Variants in CHRM2 observed in about 807,000 individuals in gnomAD.
CHRM2 encodes the protein cholinergic receptor muscarinic 2, also known as muscarinic acetylcholine receptor M2.
In CHRM2, 8 loss-of-function variants were observed where a neutral mutation model predicts 25.0. The ratio of observed to expected loss-of-function variants is 0.32; its 90% CI spans 0.19 to 0.58. The LOEUF (loss-of-function observed/expected upper bound fraction) is 0.58, where lower values mean the gene tolerates loss of function less well. CHRM2 is among the 20% of genes least tolerant of loss of function. The probability of loss-of-function intolerance (pLI) is 0.88; values close to 1 mark genes in which losing one functional copy is unlikely to be tolerated. For synonymous variants in CHRM2, 202 were observed against 205.7 expected (o/e 0.98, Z 0.15); for missense variants, 440 against 567.1 (o/e 0.78, Z 2.28).
chr7:136,894,865 T>A (rs1376852182), intron 2 of CHRM2, among the ~76,000 whole-genome samples: 2 of 152,222 alleles, frequency 1.3e-5, no homozygotes, highest in Non-Finnish European at 2.9e-5. Context: ...CTGATTGCCA[T>A]TGTTGTCAGG....
intron 2 of CHRM2, among the ~76,000 whole-genome samples, chr7:136,924,175 A>G (rs1184504693): frequency 1.3e-5 from 2 of 152,164 alleles, no homozygotes; most frequent in Non-Finnish European, 2.9e-5. Flanking sequence ...CAAATGTGGT[A>G]TGTACACACA....
chr7:136,892,605 A>T (rs944321875), intron 2 of CHRM2, among the ~76,000 whole-genome samples: 3 of 152,192 alleles, frequency 2.0e-5, no homozygotes, highest in Admixed American at 1.3e-4. Context: ...AAGGTTACAC[A>T]TATTGAAAGA....
At position 136,909,984 on chromosome 7, in the gene CHRM2, A is replaced by AC. The variant is rs548787841; in HGVS notation, c.-125+40574dup. Among the ~76,000 whole-genome samples, 343 of 150,432 alleles carry AC rather than the reference A, an allele frequency of 2.3e-3. 1 individual carries two copies. Among genetic ancestry groups the AC allele is most frequent in the Non-Finnish European group, 3.5e-3 (236 of 67,492 alleles). Reference sequence around the variant, plus strand: ...ATGATAAAACTGTACATACACATACACCCCCCCCAACACACACACACACCA... The same window carrying AC: ...ATGATAAAACTGTACATACACATACACCCCCCCCCAACACACACACACACCA... On this transcript the variant is annotated intron_variant, in intron 2 of 3. Transcript: ENST00000680005.
At chr7:136,975,482 A>G in intron 2 of CHRM2, among the ~76,000 whole-genome samples, 1 of 152,242 alleles carries the variant, frequency 6.6e-6, no homozygotes, top group South Asian at 2.1e-4. Flanking sequence ...AATTATTTTC[A>G]CAGAAAATGG....
intron 2 of CHRM2, among the ~76,000 whole-genome samples, chr7:136,919,403 ATAT>A (rs1798299351): frequency 6.6e-6 from 1 of 152,142 alleles, no homozygotes; most frequent in Non-Finnish European, 1.5e-5. Context: ...ATTAAAATAA[ATAT>A]TAGAATATTA....
At chr7:136,879,083 T>C (rs547686651) in intron 2 of CHRM2, among the ~76,000 whole-genome samples, 327 of 151,996 alleles carry the variant, frequency 2.2e-3, no homozygotes, top group African/African-American at 6.8e-3. Flanking sequence ...TTAGCATAAT[T>C]TGAATTTAAA....
intron 2 of CHRM2, chr7:136,938,656 C>A: frequency 1.2e-6 from 1 of 814,548 alleles, no homozygotes; most frequent in Non-Finnish European, 2.1e-6. Flanking sequence ...AGGGCCCACT[C>A]GTGCAGGAGC....
At chr7:136,958,587 AC>A (rs1800870569) in intron 2 of CHRM2, among the ~76,000 whole-genome samples, 1 of 151,302 alleles carries the variant, frequency 6.6e-6, no homozygotes, top group East Asian at 1.9e-4. Flanking sequence ...CCCCTGAGAA[AC>A]TGGGAATACA....
At chr7:136,901,270 GA>G (rs1431728022) in intron 2 of CHRM2, among the ~76,000 whole-genome samples, 4 of 151,996 alleles carry the variant, frequency 2.6e-5, no homozygotes, top group Non-Finnish European at 5.9e-5. Flanking sequence ...TGGAAAAATA[GA>G]AAGGTATAGT....
intron 2 of CHRM2, among the ~76,000 whole-genome samples, chr7:136,921,653 G>C (rs1770841367): frequency 6.6e-6 from 1 of 151,956 alleles, no homozygotes; most frequent in African/African-American, 2.4e-5. Flanking sequence ...TTTCCCCACT[G>C]CCTTCTTGTC....
intron 2 of CHRM2, among the ~76,000 whole-genome samples, chr7:136,882,786 T>C (rs1796315588): frequency 6.6e-6 from 1 of 152,150 alleles, no homozygotes; most frequent in Non-Finnish European, 1.5e-5. Context: ...TTGTTTAAGC[T>C]GAATCTAATT....
chr7:136,908,333 A>T (rs1025213693), intron 2 of CHRM2, among the ~76,000 whole-genome samples: 2 of 151,982 alleles, frequency 1.3e-5, no homozygotes, highest in Non-Finnish European at 2.9e-5. Context: ...ATTCTTAACT[A>T]CTGTGCAATA....
At chr7:136,900,328 T>A (rs900811610) in intron 2 of CHRM2, among the ~76,000 whole-genome samples, 5 of 152,082 alleles carry the variant, frequency 3.3e-5, no homozygotes, top group African/African-American at 9.7e-5. Context: ...CTATTTTTTT[T>A]AATATTATAC....
At chr7:136,880,018 A>C (rs1023899865) in intron 2 of CHRM2, among the ~76,000 whole-genome samples, 19 of 151,048 alleles carry the variant, frequency 1.3e-4, no homozygotes, top group African/African-American at 4.6e-4. Flanking sequence ...ATCACAGTGC[A>C]AGTTCCCGTG....
chr7:137,003,895 T>C lies in CHRM2; in HGVS notation c.-46-10925T>C, dbSNP rs751501573. ...GTGAGTTCTCATGAGATCTGATGATTTGATAAGGGGCTTTTCCCCTTTTGC... is the reference window on the plus strand; with the variant it reads ...GTGAGTTCTCATGAGATCTGATGATCTGATAAGGGGCTTTTCCCCTTTTGC... On this transcript the variant is annotated intron_variant, in intron 3 of 3. Coordinates refer to ENST00000680005, the MANE Select transcript of CHRM2 (RefSeq NM_001006630.2). Among the ~76,000 whole-genome samples the C allele has an allele frequency of 1.1e-4, 17 of 152,088 alleles. No homozygotes were observed. In the East Asian group the frequency reaches 3.1e-3, roughly 28 times the overall value.
At chr7:137,013,435 G>A (rs1412305418) in intron 3 of CHRM2, among the ~76,000 whole-genome samples, 1 of 151,874 alleles carries the variant, frequency 6.6e-6, no homozygotes, top group Non-Finnish European at 1.5e-5. Flanking sequence ...CCATTTCTTT[G>A]TAATTAATAG....
At chr7:136,916,148 T>TATACCATCATTACAATTGCC (rs138634435) in intron 2 of CHRM2, among the ~76,000 whole-genome samples, 33,740 of 151,602 alleles carry the variant, frequency 0.22, 4,886 homozygotes, top group Non-Finnish European at 0.32. Flanking sequence ...AACTTTCCTA[T>TATACCATCATTACAATTGCC]ATTTTGGTTT....
chr7:136,898,511 A>ATGTGTG (rs3068413), intron 2 of CHRM2, among the ~76,000 whole-genome samples: 15 of 150,310 alleles, frequency 1.0e-4, no homozygotes, highest in Admixed American at 6.7e-4. Context: ...GTGTGTTTGC[A>ATGTGTG]TGTGTGTGTG....
chr7:136,893,654 C>T (rs1796781173), intron 2 of CHRM2, among the ~76,000 whole-genome samples: 1 of 152,182 alleles, frequency 6.6e-6, no homozygotes, highest in Admixed American at 6.5e-5. Flanking sequence ...CTCTGCCGTC[C>T]TTCAGTCTTC....
Sources: allele counts gnomAD v4.1 joint callset (sites outside exome capture counted in the v4.1 genomes callset), GRCh38; gene constraint gnomAD v4.1.1; transcripts MANE v1.5; gene names NCBI Gene and HGNC (gene_info 2026-07-23, HGNC 2026-07-21).